ADAMTS17: variants seen among roughly 807,000 people sequenced by gnomAD.
ADAMTS17 encodes the protein ADAM metallopeptidase with thrombospondin type 1 motif 17, also known as A disintegrin and metalloproteinase with thrombospondin motifs 17.
In ADAMTS17, 113 loss-of-function variants were observed where a neutral mutation model predicts 141.5. The ratio of observed to expected loss-of-function variants is 0.80; its 90% CI spans 0.69 to 0.93. The LOEUF (loss-of-function observed/expected upper bound fraction) is 0.93, where lower values mean the gene tolerates loss of function less well. Ranked by LOEUF, ADAMTS17 falls within the 40% of genes least tolerant of loss-of-function variation. The pLI is 0.00. For missense variants in ADAMTS17, 1,659 were observed against 1,517.9 expected (o/e 1.09, Z -1.54); for synonymous variants, 768 against 630.6 (o/e 1.22, Z -3.27).
intron 7 of ADAMTS17, 98 bp downstream of exon 7, chr15:100,254,038 G>A (rs1480571163): frequency 8.6e-7 from 1 of 1,160,498 alleles, no homozygotes; most frequent in African/African-American, 1.5e-5. Context: ...AATGTGCAGT[G>A]CTTGTTTGAG....
intron 7 of ADAMTS17, among the ~76,000 whole-genome samples, chr15:100,246,091 C>T (rs557167164): frequency 6.0e-4 from 92 of 152,226 alleles, no homozygotes; most frequent in Non-Finnish European, 9.1e-4. Flanking sequence ...CACAGTCTTT[C>T]GCAGACGCTC....
At chr15:100,271,458 T>A (rs7174070) in intron 4 of ADAMTS17, among the ~76,000 whole-genome samples, 10,964 of 152,270 alleles carry the variant, frequency 0.072, 627 homozygotes, top group East Asian at 0.23. Context: ...TGGTACTTTA[T>A]TATAGTTTTA....
intron 18 of ADAMTS17, among the ~76,000 whole-genome samples, chr15:100,006,480 C>T (rs911163217): frequency 6.6e-6 from 1 of 152,226 alleles, no homozygotes; most frequent in East Asian, 1.9e-4. Flanking sequence ...ATCAGGGTCA[C>T]ACTTTTCTGA....
intron 7 of ADAMTS17, among the ~76,000 whole-genome samples, chr15:100,248,278 C>T (rs182825518): frequency 6.6e-6 from 1 of 152,294 alleles, no homozygotes; most frequent in African/African-American, 2.4e-5. Context: ...TAGGCTGGCA[C>T]AAAAACCACC....
At chr15:100,088,969 A>G (rs2035278998) in intron 15 of ADAMTS17, among the ~76,000 whole-genome samples, 1 of 151,838 alleles carries the variant, frequency 6.6e-6, no homozygotes, top group South Asian at 2.1e-4. Flanking sequence ...CAATGGCAAC[A>G]AAAGCCAAAA....
intron 20 of ADAMTS17, among the ~76,000 whole-genome samples, chr15:99,988,908 C>A (rs886251206): frequency 6.6e-6 from 1 of 152,170 alleles, no homozygotes; most frequent in South Asian, 2.1e-4. Flanking sequence ...CATGTTATTC[C>A]CATTCATGTT....
chr15:100,222,149 TAGCTACGG>T (rs2042153741), intron 7 of ADAMTS17, among the ~76,000 whole-genome samples: 6 of 152,220 alleles, frequency 3.9e-5, no homozygotes, highest in Admixed American at 3.9e-4. Flanking sequence ...TATTTCCTTG[TAGCTACGG>T]AAGACTCATC....
chr15:100,064,164 G>C (rs182244796), intron 15 of ADAMTS17, among the ~76,000 whole-genome samples: 102 of 152,250 alleles, frequency 6.7e-4, no homozygotes, highest in African/African-American at 2.4e-3. Flanking sequence ...AGAATGTCGC[G>C]AGAACATGAA....
chr15:100,128,594 G>A (rs1254737024), intron 12 of ADAMTS17: 5 of 152,190 alleles, frequency 3.3e-5, no homozygotes, highest in Admixed American at 1.3e-4. Context: ...CTATCATGGC[G>A]AGGGAGAGGG....
At chr15:100,311,146 G>A (rs2045391047) in intron 3 of ADAMTS17, among the ~76,000 whole-genome samples, 1 of 152,232 alleles carries the variant, frequency 6.6e-6, no homozygotes, top group African/African-American at 2.4e-5. Flanking sequence ...TGGACTTTTT[G>A]GCCAGAGGCC....
At chr15:100,015,058 A>G (rs926045812) in intron 18 of ADAMTS17, among the ~76,000 whole-genome samples, 22 of 152,252 alleles carry the variant, frequency 1.4e-4, no homozygotes, top group African/African-American at 5.3e-4. Flanking sequence ...TTAGGTGCAT[A>G]TATGTTTAGG....
chr15:100,212,200 G>A (rs2041830817), intron 7 of ADAMTS17, among the ~76,000 whole-genome samples: 1 of 152,224 alleles, frequency 6.6e-6, no homozygotes, highest in Non-Finnish European at 1.5e-5. Flanking sequence ...CCAGGCTCAT[G>A]CTGCAACCAA....
chr15:100,019,112 G>C (rs1304513959), intron 18 of ADAMTS17, among the ~76,000 whole-genome samples: 2 of 152,186 alleles, frequency 1.3e-5, no homozygotes, highest in Non-Finnish European at 2.9e-5. Flanking sequence ...AAATCATATA[G>C]AAAACGAATG....
chr15:100,183,597 G>A (rs994678932), intron 8 of ADAMTS17, among the ~76,000 whole-genome samples: 5 of 152,000 alleles, frequency 3.3e-5, no homozygotes, highest in Admixed American at 6.5e-5. Flanking sequence ...TATAATCGTC[G>A]TTAGACAATT....
chr15:100,270,087 A>G lies in ADAMTS17; in HGVS notation c.790-7652T>C, dbSNP rs183210819. Among the ~76,000 whole-genome samples the G allele has an allele frequency of 4.9e-4, 75 of 152,284 alleles. 1 individual carries two copies. The East Asian group carries it at 9.5e-3, about 19-fold the overall frequency. ...GCTTCATAAGCTCTTAAAAACGGCC[A>G]AGGTGGATCTGCTCTGACTGCAGCC... is the stretch of plus-strand genomic sequence containing the variant. On this transcript the variant is annotated intron_variant, in intron 4 of 21. Transcript: ENST00000268070.
intron 10 of ADAMTS17, among the ~76,000 whole-genome samples, chr15:100,136,960 G>C (rs1001921643): frequency 3.3e-5 from 5 of 152,312 alleles, no homozygotes; most frequent in Admixed American, 3.3e-4. Flanking sequence ...ACAGGCACTG[G>C]AGTGAGTGAT....
At chr15:100,140,133 C>A (rs145642930) in intron 10 of ADAMTS17, among the ~76,000 whole-genome samples, 1 of 151,970 alleles carries the variant, frequency 6.6e-6, no homozygotes, top group African/African-American at 2.4e-5. Context: ...GTAGCTGGGA[C>A]TACAGGCATG....
intron 8 of ADAMTS17, among the ~76,000 whole-genome samples, chr15:100,178,816 T>A (rs2040425496): frequency 6.6e-6 from 1 of 152,198 alleles, no homozygotes; most frequent in Admixed American, 6.5e-5. Context: ...TTTTATTTGA[T>A]ATAGGATTGA....
At position 99,974,213 on chromosome 15, in the gene ADAMTS17, C is replaced by G. The variant is rs2581343; in HGVS notation, c.*189G>C. 417,742 of 682,650 alleles carry G rather than the reference C, an allele frequency of 0.61. 130,888 individuals are homozygous for G. The highest frequency in any genetic ancestry group is 0.65 in the Non-Finnish European group (262,017 of 402,910). 42.3% of individuals were successfully genotyped at this position (682,650 alleles called of 1,614,324 possible). A position where few individuals can be genotyped will look rare whatever the true frequency, so the allele number is the denominator to read the frequency against. On this transcript the variant is annotated 3_prime_UTR_variant, in exon 22 of 22. Coordinates refer to ENST00000268070, the MANE Select transcript of ADAMTS17 (RefSeq NM_139057.4). ...CTACTTTCTCCTCACTGTAGAAAGC[C>G]AGCCAGTGGCTGTTAACAATATATT...
Sources: gnomAD v4.1 joint callset for allele counts (sites outside exome capture counted in the v4.1 genomes callset) on GRCh38, gnomAD v4.1.1 for gene constraint, MANE v1.5 for transcripts, NCBI Gene and HGNC (gene_info 2026-07-23, HGNC 2026-07-21) for gene names.